Variants in CCSER1 observed in about 807,000 individuals in gnomAD.
The protein encoded by CCSER1 is serine-rich coiled-coil domain-containing protein 1.
In CCSER1, 41 loss-of-function variants were observed where a neutral mutation model predicts 82.0. That is an observed-to-expected ratio of 0.50 (90% CI 0.39 to 0.65). The LOEUF is 0.65. Among genes scored for constraint, CCSER1 ranks in the 30% least tolerant of loss-of-function variants. The pLI is 0.00. For missense variants in CCSER1, 1,119 were observed against 1,064.2 expected (o/e 1.05, Z -0.72); for synonymous variants, 414 against 383.9 (o/e 1.08, Z -0.92).
rs187741956 is a variant in CCSER1, at chr4:91,278,041, G to A, written c.2217+192047G>A. 4.8e-3 allele frequency among the ~76,000 whole-genome samples: 730 copies of A among 152,094 alleles called. 6 individuals carry two copies. Among genetic ancestry groups the A allele is most frequent in the African/African-American group, 0.017 (687 of 41,520 alleles). On this transcript the variant is annotated intron_variant, in intron 10 of 10. Coordinates refer to ENST00000509176, the MANE Select transcript of CCSER1 (RefSeq NM_001145065.2). ...AGTTTTATTCTATGGTGGCCTGAGA[G>A]GATACTTGATATATTTCAATTTTTA...
At chr4:91,589,805 G>T (rs1560785095) in intron 10 of CCSER1, among the ~76,000 whole-genome samples, 1 of 151,650 alleles carries the variant, frequency 6.6e-6, no homozygotes, top group East Asian at 1.9e-4. Flanking sequence ...TCACACTCCT[G>T]TTATTGCTTT....
chr4:91,093,985 C>G (rs576691296), intron 10 of CCSER1, among the ~76,000 whole-genome samples: 1 of 152,228 alleles, frequency 6.6e-6, no homozygotes, highest in Non-Finnish European at 1.5e-5. Flanking sequence ...TTTCTGACCC[C>G]AGGCTGTGCT....
In CCSER1 at chr4:91,195,920, G is replaced by T. The variant is rs148909388; in HGVS notation, c.2217+109926G>T. Reference sequence around the variant, plus strand: ...ACCTTGCCATTAAGACAAAGCCCCCGTGTTAGCCAGGATGGTCTCGATCTC... The same window carrying T: ...ACCTTGCCATTAAGACAAAGCCCCCTTGTTAGCCAGGATGGTCTCGATCTC... On this transcript the variant is annotated intron_variant, in intron 10 of 10. Transcript: ENST00000509176. Among the ~76,000 whole-genome samples the T allele has an allele frequency of 5.6e-3, 851 of 151,602 alleles. 5 individuals carry two copies. The highest frequency in any genetic ancestry group is 8.3e-3 in the Non-Finnish European group (564 of 67,946).
chr4:90,302,518 T>A (rs1733351539), intron 1 of CCSER1, among the ~76,000 whole-genome samples: 1 of 152,178 alleles, frequency 6.6e-6, no homozygotes, highest in African/African-American at 2.4e-5. Flanking sequence ...ATGGCAGTCA[T>A]GACCAAGTGC....
At chr4:90,561,164 A>G (rs928032754) in intron 5 of CCSER1, among the ~76,000 whole-genome samples, 1 of 152,236 alleles carries the variant, frequency 6.6e-6, no homozygotes, top group Non-Finnish European at 1.5e-5. Flanking sequence ...AGATCTGTCC[A>G]GAAACAGAAA....
At chr4:90,520,179 AGTT>A (rs1260544425) in intron 5 of CCSER1, among the ~76,000 whole-genome samples, 23 of 151,674 alleles carry the variant, frequency 1.5e-4, no homozygotes, top group East Asian at 3.9e-4. Context: ...TTATTTCTGT[AGTT>A]GTTTTTAGTG....
chr4:90,618,521 A>G (rs988783836), intron 5 of CCSER1, among the ~76,000 whole-genome samples: 1 of 151,976 alleles, frequency 6.6e-6, no homozygotes, highest in South Asian at 2.1e-4. Context: ...CTCTTAAAGC[A>G]ATAATATTAG....
At chr4:90,895,129 TAAA>T (rs1287779702) in intron 8 of CCSER1, among the ~76,000 whole-genome samples, 1 of 151,990 alleles carries the variant, frequency 6.6e-6, no homozygotes, top group Non-Finnish European at 1.5e-5. Flanking sequence ...AAATTGCTCA[TAAA>T]TTTATTATAT....
At chr4:91,355,491 T>C (rs2149305106) in intron 10 of CCSER1, among the ~76,000 whole-genome samples, 1 of 152,110 alleles carries the variant, frequency 6.6e-6, no homozygotes, top group African/African-American at 2.4e-5. Flanking sequence ...TACAAACGAG[T>C]TTCTTTTAGA....
At chr4:91,233,623 T>A (rs575370334) in intron 10 of CCSER1, among the ~76,000 whole-genome samples, 3 of 151,950 alleles carry the variant, frequency 2.0e-5, no homozygotes, top group African/African-American at 7.2e-5. Flanking sequence ...CAATATTGTC[T>A]TACACAAAGG....
chr4:90,426,636 TTGTC>T (rs1488377451), intron 4 of CCSER1, among the ~76,000 whole-genome samples: 4 of 152,180 alleles, frequency 2.6e-5, no homozygotes, highest in East Asian at 1.9e-4. Flanking sequence ...TCATAATTCT[TTGTC>T]TGTTTTTTCT....
Position 90,933,492 on chromosome 4 carries a change from GT to G in CCSER1, c.2172+10057del, listed in dbSNP as rs545462121. 7.2e-4 allele frequency among the ~76,000 whole-genome samples: 104 copies of G among 143,590 alleles called. No homozygotes were observed. The East Asian group carries it at 8.9e-3, about 12-fold the overall frequency. The allele number at this position is 143,590 out of a possible 152,430, so 94.2% of individuals were successfully genotyped here. ...GTGAGCCACCGTGCCAGGATGAAGT[GT>G]TTTTTTTTTTTAATTTATGAAAAAG... On this transcript the variant is annotated intron_variant, in intron 9 of 10. Coordinates refer to ENST00000509176, the MANE Select transcript of CCSER1 (RefSeq NM_001145065.2).
chr4:90,946,305 C>A (rs950324277), intron 9 of CCSER1, among the ~76,000 whole-genome samples: 1 of 152,094 alleles, frequency 6.6e-6, no homozygotes, highest in African/African-American at 2.4e-5. Context: ...AAAACAACAG[C>A]AAACTCAAGA....
intron 6 of CCSER1, among the ~76,000 whole-genome samples, chr4:90,701,626 G>A (rs977533174): frequency 1.3e-5 from 2 of 152,296 alleles, no homozygotes; most frequent in Admixed American, 1.3e-4. Flanking sequence ...AGCATGGAAT[G>A]TTCTTCCGTT....
intron 3 of CCSER1, among the ~76,000 whole-genome samples, chr4:90,367,408 A>T (rs17016922): frequency 7.3e-5 from 11 of 151,712 alleles, no homozygotes; most frequent in Non-Finnish European, 1.5e-4. Flanking sequence ...AATAATAATA[A>T]CATTTTCCTC....
At chr4:90,713,524 A>G (rs1016018630) in intron 6 of CCSER1, among the ~76,000 whole-genome samples, 2 of 151,108 alleles carry the variant, frequency 1.3e-5, no homozygotes, top group African/African-American at 4.9e-5. Context: ...TTTTAGTCTG[A>G]TGGGCTTCCC....
intron 10 of CCSER1, among the ~76,000 whole-genome samples, chr4:91,142,390 G>A (rs1038176608): frequency 6.6e-6 from 1 of 152,118 alleles, no homozygotes; most frequent in African/African-American, 2.4e-5. Context: ...CCAGTGTTGG[G>A]TATGTCTTTA....
intron 8 of CCSER1, among the ~76,000 whole-genome samples, chr4:90,919,989 G>T (rs1439248016): frequency 6.6e-6 from 1 of 151,854 alleles, no homozygotes; most frequent in Admixed American, 6.6e-5. Flanking sequence ...TTTGTCAGGG[G>T]CATAGATTTA....
At chr4:90,538,072 G>A (rs749884897) in intron 5 of CCSER1, among the ~76,000 whole-genome samples, 1 of 151,864 alleles carries the variant, frequency 6.6e-6, no homozygotes, top group Non-Finnish European at 1.5e-5. Context: ...TTTCTTTCCC[G>A]TTGTCCCTGC....
Sources: allele counts gnomAD v4.1 joint callset (sites outside exome capture counted in the v4.1 genomes callset), GRCh38; gene constraint gnomAD v4.1.1; transcripts MANE v1.5; gene names NCBI Gene and HGNC (gene_info 2026-07-23, HGNC 2026-07-21).